C17orf114: variants seen among roughly 807,000 people sequenced by gnomAD.
C17orf114 encodes the protein uncharacterized protein C17orf114.
upstream of C17orf114, among the ~76,000 whole-genome samples, chr17:4,803,416 ATTTTTTTTTTTTTTT>A (rs34116712): frequency 2.7e-5 from 2 of 75,450 alleles, no homozygotes; most frequent in South Asian, 5.8e-4. Flanking sequence ...GTTTTTTTTA[ATTTTTTTTTTTTTTT>A]TTTTTTTTTT....
chr17:4,803,487 C>T (rs1905566686), upstream of C17orf114, among the ~76,000 whole-genome samples: 1 of 130,648 alleles, frequency 7.7e-6, no homozygotes. Flanking sequence ...TGCAGTGGCG[C>T]GGTCTTGGCT....
chr17:4,802,010 T>C (rs1044207822), intron 1 of C17orf114, among the ~76,000 whole-genome samples: 2 of 152,156 alleles, frequency 1.3e-5, no homozygotes, highest in Non-Finnish European at 2.9e-5. Context: ...ATTACAGGCA[T>C]GAGCCACCGT....
chr17:4,802,976 G>A (rs1438968399), upstream of C17orf114, among the ~76,000 whole-genome samples: 1 of 152,106 alleles, frequency 6.6e-6, no homozygotes, highest in Non-Finnish European at 1.5e-5. Flanking sequence ...GGAGTGCAGT[G>A]GCGCAATCTC....
At chr17:4,802,654 C>T (rs1307491728), upstream of C17orf114, among the ~76,000 whole-genome samples, 4 of 152,216 alleles carry the variant, frequency 2.6e-5, no homozygotes, top group South Asian at 2.1e-4. Context: ...TGGCAATGCC[C>T]GACAACTTGG....
chr17:4,805,347 G>T (rs889465212), upstream of C17orf114, among the ~76,000 whole-genome samples: 1 of 151,696 alleles, frequency 6.6e-6, no homozygotes, highest in Non-Finnish European at 1.5e-5. Context: ...GAGAGAACCC[G>T]GGAGGCGGAG....
At chr17:4,802,207 C>A in intron 1 of C17orf114, 40 bp downstream of exon 1, 1 of 399,278 alleles carries the variant, frequency 2.5e-6, no homozygotes, top group South Asian at 1.3e-4. Flanking sequence ...GTCTCTCTGT[C>A]TGCCTGACAG....
intron 1 of C17orf114, among the ~76,000 whole-genome samples, chr17:4,801,769 T>C (rs1567518393): frequency 1.3e-5 from 2 of 151,922 alleles, no homozygotes; most frequent in South Asian, 2.1e-4. Flanking sequence ...CTCACTCTGT[T>C]GCCCAGGCTG....
chr17:4,801,397 C>G, exon 2 of C17orf114: 1 of 398,862 alleles, frequency 2.5e-6, no homozygotes, highest in East Asian at 3.6e-5. Flanking sequence ...GTACCCCTCC[C>G]TCAGCCATGG....
exon 2 of C17orf114, chr17:4,801,364 G>A (rs1905504146): frequency 7.5e-6 from 3 of 398,816 alleles, no homozygotes; most frequent in Admixed American, 4.4e-5. Context: ...TCCTGCTGAA[G>A]TAGGCACCAG....
rs1017840485 is a variant in C17orf114 at position 4,802,334 on chromosome 17, C to T, written c.-15G>A. ...TTCAGACCCATCTCAACAGTGGAGGCGATCAGAGCTGGGAATGGCCAGGAG... is the reference window on the plus strand; with the variant it reads ...TTCAGACCCATCTCAACAGTGGAGGTGATCAGAGCTGGGAATGGCCAGGAG... On this transcript the variant is annotated 5_prime_UTR_variant, in exon 1 of 2. Coordinates refer to ENST00000635921, the Ensembl canonical transcript of C17orf114. 1.3e-5 allele frequency: 5 copies of T among 398,948 alleles called. No homozygotes were observed. The highest frequency in any genetic ancestry group is 2.1e-5 in the African/African-American group (1 of 48,716). The allele number at this position is 398,948 out of a possible 1,614,324, so 24.7% of individuals were successfully genotyped here.
At chr17:4,802,320 C>T (rs1905533884) in exon 1 of C17orf114, 1 of 399,228 alleles carries the variant, frequency 2.5e-6, no homozygotes, top group African/African-American at 2.1e-5. Context: ...TCAGACCCAT[C>T]TCAACAGTGG....
At chr17:4,801,379 T>C (rs572304452) in exon 2 of C17orf114, 11 of 398,840 alleles carry the variant, frequency 2.8e-5, no homozygotes, top group Admixed American at 1.3e-4. Context: ...CACCAGGCCC[T>C]GGCGAGGGTA....
upstream of C17orf114, chr17:4,806,830 C>A (rs1905868672): frequency 6.7e-6 from 1 of 149,908 alleles, no homozygotes; most frequent in African/African-American, 2.4e-5. Context: ...GGGCGCCGAG[C>A]CCGAGGGATG....
upstream of C17orf114, chr17:4,802,371 G>C (rs1905535094): frequency 7.5e-6 from 3 of 398,760 alleles, no homozygotes; most frequent in Admixed American, 8.8e-5. Flanking sequence ...GCCCCCGGGA[G>C]AGGGGTGTGG....
chr17:4,804,897 A>T (rs773448040), upstream of C17orf114, among the ~76,000 whole-genome samples: 41 of 151,990 alleles, frequency 2.7e-4, no homozygotes, highest in Non-Finnish European at 1.0e-4. Flanking sequence ...TTTTTCTTTC[A>T]ATGAACTTTA....
At chr17:4,802,396 C>A (rs549988373), upstream of C17orf114, 27 of 398,578 alleles carry the variant, frequency 6.8e-5, no homozygotes, top group South Asian at 2.6e-4. Flanking sequence ...CAAGCCCCCC[C>A]ACCATGGGCA....
chr17:4,802,571 T>C (rs1597312588), upstream of C17orf114, among the ~76,000 whole-genome samples: 1 of 151,624 alleles, frequency 6.6e-6, no homozygotes, highest in African/African-American at 2.4e-5. Context: ...AAGCAGGAGG[T>C]GGTTGGGAGA....
At chr17:4,802,025 G>A (rs183493071) in intron 1 of C17orf114, among the ~76,000 whole-genome samples, 554 of 152,196 alleles carry the variant, frequency 3.6e-3, no homozygotes, top group Middle Eastern at 0.017. Context: ...CACCGTACCC[G>A]GCCGAAATTC....
chr17:4,804,603 C>CT (rs35194566), upstream of C17orf114, among the ~76,000 whole-genome samples: 2,072 of 134,548 alleles, frequency 0.015, 15 homozygotes, highest in African/African-American at 0.02. Context: ...ATGTTTCTTT[C>CT]TTTTTTTTTT....
Sources: allele counts gnomAD v4.1 joint callset (sites outside exome capture counted in the v4.1 genomes callset), GRCh38; gene constraint gnomAD v4.1.1; transcripts MANE v1.5; gene names NCBI Gene and HGNC (gene_info 2026-07-23, HGNC 2026-07-21).